MEGF11: variants seen among roughly 807,000 people sequenced by gnomAD.
MEGF11 encodes the protein multiple EGF like domains 11.
MEGF11 carries 126 observed loss-of-function variants against 146.6 expected under a neutral mutation model. That is an observed-to-expected ratio of 0.86 (90% confidence interval 0.74 to 1.00). MEGF11 has a LOEUF of 1.00. MEGF11 is among the 50% of genes least tolerant of loss of function. MEGF11 has a pLI of 0.00. For synonymous variants in MEGF11, 532 were observed against 583.4 expected, an observed-to-expected ratio of 0.91 and a Z score of 1.27; for missense variants, 1,509 against 1,521.2, an observed-to-expected ratio of 0.99 and a Z score of 0.13.
At chr15:66,145,352 T>G (rs752328796) in intron 1 of MEGF11, among the ~76,000 whole-genome samples, 15 of 151,994 alleles carry the variant, frequency 9.9e-5, no homozygotes, top group Non-Finnish European at 2.1e-4. Flanking sequence ...AAAAAAAAAT[T>G]CAATATTGGG....
intron 5 of MEGF11, among the ~76,000 whole-genome samples, chr15:66,058,066 A>C (rs1408220851): frequency 2.0e-5 from 3 of 152,144 alleles, no homozygotes; most frequent in African/African-American, 7.2e-5. Context: ...TAGCATCTCC[A>C]CAATAGGGTG....
intron 5 of MEGF11, among the ~76,000 whole-genome samples, chr15:66,054,942 C>G (rs903715696): frequency 1.3e-5 from 2 of 152,078 alleles, no homozygotes; most frequent in Non-Finnish European, 2.9e-5. Flanking sequence ...GTCTACATCT[C>G]AAGATTATAA....
At chr15:66,011,789 G>A (rs1358586465) in intron 5 of MEGF11, among the ~76,000 whole-genome samples, 1 of 151,924 alleles carries the variant, frequency 6.6e-6, no homozygotes, top group Non-Finnish European at 1.5e-5. Context: ...TGGTTAGGCA[G>A]ATTATGGTAT....
chr15:65,972,968 T>C (rs1227591447), intron 7 of MEGF11, among the ~76,000 whole-genome samples: 1 of 151,914 alleles, frequency 6.6e-6, no homozygotes, highest in Admixed American at 6.6e-5. Flanking sequence ...AAATACAAAA[T>C]TAACCGGGCG....
intron 1 of MEGF11, among the ~76,000 whole-genome samples, chr15:66,245,074 G>A (rs1055263261): frequency 1.3e-5 from 2 of 152,194 alleles, no homozygotes. Flanking sequence ...ATCACTGTGG[G>A]CTCCAGTAGT....
At chr15:66,145,338 T>TA (rs201415893) in intron 1 of MEGF11, among the ~76,000 whole-genome samples, 13,415 of 143,884 alleles carry the variant, frequency 0.093, 1,349 homozygotes, top group East Asian at 0.61. Context: ...GAAAAGGAGG[T>TA]AAAAAAAAAA....
chr15:65,958,883 C>A (rs1328205526), intron 9 of MEGF11, among the ~76,000 whole-genome samples: 1 of 152,152 alleles, frequency 6.6e-6, no homozygotes, highest in Admixed American at 6.5e-5. Context: ...TTTTAGATTC[C>A]TTGTGGCACT....
In MEGF11 at chr15:65,982,092, G is replaced by A; in HGVS notation, c.641+150C>T. On this transcript the variant is annotated intron_variant, in intron 6 of 25. Coordinates refer to ENST00000395614, the MANE Select transcript of MEGF11 (RefSeq NM_001385028.1). This position sits in a 1 kb window ranked among gnomAD's most constrained non-coding sequence, Gnocchi z 5.6. ...GTCCCACCACCCAGCCCACCCACAAGGAGCCCAGGGCTGGGCGTGCAGCTG... is the reference window on the plus strand; with the variant it reads ...GTCCCACCACCCAGCCCACCCACAAAGAGCCCAGGGCTGGGCGTGCAGCTG... 4.3e-5 allele frequency: 35 copies of A among 810,342 alleles called. No individual in the cohort carries two copies. The highest frequency in any genetic ancestry group is 1.2e-4 in the South Asian group (6 of 49,152). The allele number at this position is 810,342 out of a possible 1,614,324, so 50.2% of individuals were successfully genotyped here.
intron 1 of MEGF11, among the ~76,000 whole-genome samples, chr15:66,155,342 G>A (rs1300497898): frequency 1.3e-5 from 2 of 152,158 alleles, no homozygotes; most frequent in African/African-American, 4.8e-5. Flanking sequence ...GAGTGAGGGC[G>A]GGGAGAGTGG....
At chr15:65,965,208 A>G in intron 8 of MEGF11, 88 bp from the exon 9 acceptor site, 1 of 1,160,152 alleles carries the variant, frequency 8.6e-7, no homozygotes. Context: ...CCTCCTGGCC[A>G]TCTGGCCCAG....
At chr15:66,222,025 C>A (rs1206300250) in intron 1 of MEGF11, among the ~76,000 whole-genome samples, 1 of 152,140 alleles carries the variant, frequency 6.6e-6, no homozygotes, top group African/African-American at 2.4e-5. Flanking sequence ...TCGATACCAC[C>A]AAACCTCCCT....
Position 66,152,199 on chromosome 15 carries a change from G to A in MEGF11, c.-8-23788C>T, listed in dbSNP as rs560505484. ...ACCAGGGATGGAGAGGTAGTGTCTCGGTGTCCCCACTTATGAATATGAACC... is the reference window on the plus strand; with the variant it reads ...ACCAGGGATGGAGAGGTAGTGTCTCAGTGTCCCCACTTATGAATATGAACC... On this transcript the variant is annotated intron_variant, in intron 1 of 25. Transcript: ENST00000395614. Among the ~76,000 whole-genome samples the A allele has an allele frequency of 1.3e-4, 20 of 152,218 alleles. No individual in the cohort carries two copies. The East Asian group carries it at 2.7e-3, about 21-fold the overall frequency.
chr15:65,900,847 C>T (rs946215880), intron 24 of MEGF11, among the ~76,000 whole-genome samples: 4 of 152,170 alleles, frequency 2.6e-5, no homozygotes, highest in African/African-American at 9.7e-5. Flanking sequence ...AAGGAGAAAA[C>T]ATCCTTGCGA....
At chr15:66,231,864 C>T (rs1271647667) in intron 1 of MEGF11, among the ~76,000 whole-genome samples, 2 of 152,220 alleles carry the variant, frequency 1.3e-5, no homozygotes, top group Admixed American at 1.3e-4. Context: ...TGTTTATCAT[C>T]CTCAAATAAC....
chr15:66,209,349 T>TA (rs751648172), intron 1 of MEGF11, among the ~76,000 whole-genome samples: 1,566 of 138,286 alleles, frequency 0.011, 5 homozygotes, highest in Non-Finnish European at 0.016. Flanking sequence ...GACTCCATCT[T>TA]AAAAAAAAAA....
chr15:66,159,342 C>T (rs2089873879), intron 1 of MEGF11, among the ~76,000 whole-genome samples: 1 of 152,222 alleles, frequency 6.6e-6, no homozygotes, highest in South Asian at 2.1e-4. Context: ...TTCCCCTCCT[C>T]TACTGCAGAC....
At chr15:66,009,011 GACAGCAATGTAACCAGA>G (rs1352161716) in intron 5 of MEGF11, among the ~76,000 whole-genome samples, 2 of 152,088 alleles carry the variant, frequency 1.3e-5, no homozygotes, top group African/African-American at 4.8e-5. Flanking sequence ...TGCTGAAAAG[GACAGCAATGTAACCAGA>G]ACTTCATAAA....
chr15:66,178,719 C>CTGGGTGA (rs1895312129), intron 1 of MEGF11, among the ~76,000 whole-genome samples: 1 of 152,120 alleles, frequency 6.6e-6, no homozygotes, highest in South Asian at 2.1e-4. Context: ...TTGCCTCACC[C>CTGGGTGA]GGGTCCTGGG....
intron 10 of MEGF11, among the ~76,000 whole-genome samples, chr15:65,948,639 A>G (rs1254614502): frequency 1.3e-5 from 2 of 152,196 alleles, no homozygotes; most frequent in Non-Finnish European, 2.9e-5. Flanking sequence ...ACAAACATTT[A>G]CTGAACATTC....
Sources: gnomAD v4.1 joint callset for allele counts (sites outside exome capture counted in the v4.1 genomes callset) on GRCh38, gnomAD v4.1.1 for gene constraint, Gnocchi (gnomAD v3.1) non-coding constraint, MANE v1.5 for transcripts, NCBI Gene and HGNC (gene_info 2026-07-23, HGNC 2026-07-21) for gene names.